FNBP1L: variants seen among roughly 807,000 people sequenced by gnomAD.
FNBP1L encodes the protein formin binding protein 1 like.
In FNBP1L, 36 loss-of-function variants were observed where a neutral mutation model predicts 91.2. The observed-to-expected ratio is 0.39, with a 90% CI of 0.30 to 0.52. The LOEUF (loss-of-function observed/expected upper bound fraction) is 0.52, where lower values mean the gene tolerates loss of function less well. FNBP1L is among the 20% of genes least tolerant of loss of function. The pLI, the probability that FNBP1L is intolerant of heterozygous loss-of-function variation, is 0.66. For missense variants in FNBP1L, 571 were observed against 732.1 expected (o/e 0.78, Z 2.54); for synonymous variants, 242 against 237.0 (o/e 1.02, Z -0.19).
At chr1:93,534,574 C>T in intron 8 of FNBP1L, 131 bp from the exon 9 acceptor site, 1 of 570,974 alleles carries the variant, frequency 1.8e-6, no homozygotes, top group South Asian at 3.5e-5. Context: ...AAATTATTTA[C>T]CTTAATGATT....
intron 7 of FNBP1L, among the ~76,000 whole-genome samples, chr1:93,531,813 T>C (rs1484014585): frequency 2.6e-5 from 4 of 152,286 alleles, no homozygotes; most frequent in South Asian, 2.1e-4. Context: ...GGAGCAATTC[T>C]GTGAAAATGC....
intron 10 of FNBP1L, among the ~76,000 whole-genome samples, chr1:93,538,373 T>G (rs980441853): frequency 1.3e-5 from 2 of 152,038 alleles, no homozygotes; most frequent in Non-Finnish European, 2.9e-5. Flanking sequence ...TTACGTAAGA[T>G]AGCATAAGTT....
intron 1 of FNBP1L, among the ~76,000 whole-genome samples, chr1:93,478,203 G>A (rs1327964636): frequency 3.3e-5 from 5 of 152,178 alleles, no homozygotes; most frequent in Non-Finnish European, 4.4e-5. Context: ...CAGCATGGTT[G>A]ATGTCTTTGG....
intron 2 of FNBP1L, among the ~76,000 whole-genome samples, chr1:93,513,808 A>G (rs903004084): frequency 1.6e-4 from 24 of 152,344 alleles, no homozygotes; most frequent in Admixed American, 3.9e-4. Context: ...CCCACAGCCA[A>G]TATCATACTG....
At chr1:93,525,443 C>T (rs1179085334) in intron 5 of FNBP1L, among the ~76,000 whole-genome samples, 1 of 152,000 alleles carries the variant, frequency 6.6e-6, no homozygotes, top group East Asian at 1.9e-4. Flanking sequence ...TTTTCATTTT[C>T]ATTTTGATTT....
chr1:93,484,146 C>T (rs911465616), intron 1 of FNBP1L, among the ~76,000 whole-genome samples: 2 of 152,198 alleles, frequency 1.3e-5, no homozygotes, highest in Non-Finnish European at 1.5e-5. Context: ...GCAGGCTGGT[C>T]TCAAACTCCT....
In FNBP1L at chr1:93,473,456, G is replaced by A. The variant is rs1669376271; in HGVS notation, c.24+25151G>A. 2.0e-5 allele frequency among the ~76,000 whole-genome samples: 3 copies of A among 152,218 alleles called. No individual in the cohort carries two copies. The South Asian group carries it at 6.2e-4, about 32-fold the overall frequency. ...AAGCTAAACTCTGATCTAGATTTGT[G>A]TGACTCCAAAACTTTTTTTATATGC... On this transcript the variant is annotated intron_variant, in intron 1 of 16. Transcript: ENST00000271234.
At chr1:93,513,463 C>G (rs1202173342) in intron 2 of FNBP1L, among the ~76,000 whole-genome samples, 1 of 152,038 alleles carries the variant, frequency 6.6e-6, no homozygotes, top group Non-Finnish European at 1.5e-5. Context: ...AGAGACACAA[C>G]CAGAAAAGAG....
chr1:93,473,537 C>T (rs1266974993), intron 1 of FNBP1L, among the ~76,000 whole-genome samples: 2 of 152,138 alleles, frequency 1.3e-5, no homozygotes, highest in African/African-American at 2.4e-5. Context: ...GGGGTCGTTT[C>T]CATCTTCAAC....
chr1:93,516,179 C>G (rs538124295), intron 2 of FNBP1L, among the ~76,000 whole-genome samples: 12 of 150,010 alleles, frequency 8.0e-5, no homozygotes, highest in African/African-American at 2.9e-4. Context: ...TAAAGGAGTA[C>G]TGTGTCAAGG....
Position 93,550,983 on chromosome 1 carries a change from A to G in FNBP1L, c.1688A>G (p.Glu563Gly). 6.2e-7 allele frequency: 1 copy of G among 1,606,520 alleles called. No homozygotes were observed. Among genetic ancestry groups the G allele is most frequent in the South Asian group, 1.1e-5 (1 of 90,010 alleles). ...NEGTLAMKEGEVLYIIEEDKG... is the reference protein window; with the variant it reads ...NEGTLAMKEGGVLYIIEEDKG... ...GGTACTCTAGCAATGAAAGAAGGTG[A>G]AGTTCTCTACATTATAGAGGAGGAC... Residue 563 changes from glutamate to glycine, a missense_variant, in exon 16 of 17, where the codon GAA (glutamate) becomes GGA (glycine). This residue lies in a region of FNBP1L where 189 missense variants were observed against 219.7 expected (regional missense o/e 0.86). Transcript: ENST00000271234.
chr1:93,551,654 A>G (rs1354602274), intron 16 of FNBP1L: 2 of 984,866 alleles, frequency 2.0e-6, no homozygotes, highest in Admixed American at 6.1e-5. Flanking sequence ...CCTATTCTTA[A>G]CTTTGGTTTC....
intron 1 of FNBP1L, among the ~76,000 whole-genome samples, chr1:93,456,833 C>T (rs887757062): frequency 6.6e-6 from 1 of 152,038 alleles, no homozygotes; most frequent in African/African-American, 2.4e-5. Flanking sequence ...TGACAAGCCA[C>T]TGAATCCCTC....
chr1:93,505,175 G>T lies in FNBP1L; in HGVS notation c.140+5592G>T, dbSNP rs909338095. Among the ~76,000 whole-genome samples the T allele has an allele frequency of 2.0e-5, 3 of 148,096 alleles. No individual in the cohort carries two copies. The South Asian group carries it at 6.5e-4, about 32-fold the overall frequency. On this transcript the variant is annotated intron_variant, in intron 2 of 16. Transcript: ENST00000271234. Reference sequence around the variant, plus strand: ...CGCCCAGCCTGGAGTGCAGTGGCGCGATCTTGGCTCACTGCAACTTCCGTC... The same window carrying T: ...CGCCCAGCCTGGAGTGCAGTGGCGCTATCTTGGCTCACTGCAACTTCCGTC...
intron 10 of FNBP1L, among the ~76,000 whole-genome samples, chr1:93,537,251 AC>A (rs1475701598): frequency 6.6e-6 from 1 of 152,098 alleles, no homozygotes; most frequent in Non-Finnish European, 1.5e-5. Context: ...ATTTGTTGGG[AC>A]ATTTGAAAAA....
intron 2 of FNBP1L, among the ~76,000 whole-genome samples, chr1:93,518,214 C>T (rs909429975): frequency 2.0e-5 from 3 of 152,106 alleles, no homozygotes; most frequent in African/African-American, 7.2e-5. Flanking sequence ...AAGCATTCAG[C>T]TTCACGTAAT....
intron 2 of FNBP1L, among the ~76,000 whole-genome samples, chr1:93,505,997 G>A (rs151052652): frequency 6.6e-6 from 1 of 152,210 alleles, no homozygotes; most frequent in African/African-American, 2.4e-5. Context: ...CTTTTGCAAT[G>A]GATACCTTTT....
At chr1:93,547,839 A>C (rs530810849) in intron 14 of FNBP1L, among the ~76,000 whole-genome samples, 12 of 152,274 alleles carry the variant, frequency 7.9e-5, no homozygotes, top group Admixed American at 2.0e-4. Flanking sequence ...TTTGGACCAG[A>C]GCTTCCAAAA....
At chr1:93,460,249 A>C (rs1359266003) in intron 1 of FNBP1L, among the ~76,000 whole-genome samples, 1 of 152,158 alleles carries the variant, frequency 6.6e-6, no homozygotes, top group Non-Finnish European at 1.5e-5. Flanking sequence ...GAGAGAGTTC[A>C]CACTTTCCAT....
Sources: allele counts gnomAD v4.1 joint callset (sites outside exome capture counted in the v4.1 genomes callset), GRCh38; gene constraint gnomAD v4.1.1; regional missense constraint gnomAD v4.1.1; transcripts MANE v1.5; gene names NCBI Gene and HGNC (gene_info 2026-07-23, HGNC 2026-07-21).